Variants in CSMD3 observed in about 807,000 individuals in gnomAD.
CSMD3 encodes CUB and Sushi multiple domains 3.
Under a neutral mutation model 435.2 loss-of-function variants are expected in CSMD3, and 177 were observed. The observed-to-expected ratio is 0.41, with a 90% confidence interval of 0.36 to 0.46. The LOEUF (loss-of-function observed/expected upper bound fraction) is 0.46. Among genes scored for constraint, CSMD3 ranks in the 20% least tolerant of loss-of-function variants. CSMD3 has a pLI of 0.34. For missense variants in CSMD3, 4,265 were observed against 4,504.6 expected (o/e 0.95, Z 1.52); for synonymous variants, 1,656 against 1,520.5 (o/e 1.09, Z -2.07).
intron 3 of CSMD3, among the ~76,000 whole-genome samples, chr8:113,204,736 T>G (rs2092752546): frequency 6.6e-6 from 1 of 152,172 alleles, no homozygotes; most frequent in African/African-American, 2.4e-5. Flanking sequence ...TAGATGTACA[T>G]GTACTTACCA....
intron 31 of CSMD3, among the ~76,000 whole-genome samples, chr8:112,474,591 AAT>A (rs1463532610): frequency 6.6e-6 from 1 of 152,182 alleles, no homozygotes; most frequent in African/African-American, 2.4e-5. Context: ...GGAGATTAGA[AAT>A]AGATAGGTGT....
intron 4 of CSMD3, among the ~76,000 whole-genome samples, chr8:113,163,418 G>T (rs1168687957): frequency 6.6e-6 from 1 of 151,854 alleles, no homozygotes; most frequent in African/African-American, 2.4e-5. Context: ...AGAAAAGCTT[G>T]AAATTAATGT....
intron 4 of CSMD3, among the ~76,000 whole-genome samples, chr8:113,148,105 A>G (rs1296571218): frequency 1.3e-5 from 2 of 151,762 alleles, no homozygotes; most frequent in Non-Finnish European, 2.9e-5. Flanking sequence ...ATGACTTGCA[A>G]TGCCTGATGC....
chr8:112,546,362 C>T (rs1250061413), intron 27 of CSMD3, among the ~76,000 whole-genome samples: 4 of 152,142 alleles, frequency 2.6e-5, no homozygotes, highest in African/African-American at 7.2e-5. Context: ...AAGTGAGTGG[C>T]TAGTCGACTG....
At chr8:112,368,304 G>A (rs1827984105) in intron 38 of CSMD3, among the ~76,000 whole-genome samples, 5 of 152,028 alleles carry the variant, frequency 3.3e-5, no homozygotes, top group Admixed American at 3.3e-4. Context: ...TTCATACTTT[G>A]GCCATTGTGA....
Position 113,050,293 on chromosome 8 carries a change from TGAGA to T in CSMD3, c.918-31118_918-31115del, listed in dbSNP as rs149759301. Among the ~76,000 whole-genome samples, 7 of 151,972 alleles carry T rather than the reference TGAGA, an allele frequency of 4.6e-5. No homozygotes were observed. In the East Asian group the frequency reaches 1.4e-3, roughly 29 times the overall value. On this transcript the variant is annotated intron_variant, in intron 5 of 70. Coordinates refer to ENST00000297405, the MANE Select transcript of CSMD3 (RefSeq NM_198123.2). ...CATGAAATAAAAAGGAATAAAACAA[TGAGA>T]GAAAGAAAAAATTGATTTATTCTGT...
intron 59 of CSMD3, 134 bp downstream of exon 59, chr8:112,281,040 C>T (rs1818575141): frequency 1.4e-6 from 1 of 711,532 alleles, no homozygotes; most frequent in Non-Finnish European, 2.3e-6. Flanking sequence ...TACTATAATC[C>T]TTTAATCTGA....
chr8:113,083,491 G>A (rs2089644260), intron 5 of CSMD3, among the ~76,000 whole-genome samples: 1 of 151,816 alleles, frequency 6.6e-6, no homozygotes. Flanking sequence ...CCCCTATAAT[G>A]GTCTTACAAT....
chr8:113,286,029 A>AT (rs574967855), intron 2 of CSMD3, among the ~76,000 whole-genome samples: 495 of 148,590 alleles, frequency 3.3e-3, no homozygotes, highest in Non-Finnish European at 4.2e-3. Flanking sequence ...ATTAGCTGGT[A>AT]TTTTTTTTTT....
rs759084585 is a variant in CSMD3 at position 112,265,473 on chromosome 8, C to A, written c.9626G>T (p.Gly3209Val). Residue 3209 changes from glycine to valine, a missense_variant, in exon 60 of 71, where the codon GGC becomes GTC. Transcript: ENST00000297405. The part of the protein sequence containing the change: ...CQPGYTMELN[G>V]SRIRTCTING... ...AATTGTACAAGTCCTGATTCTGGAG[C>A]CATTCAATTCCATCGTGTAGCCTGG... is the stretch of plus-strand genomic sequence containing the variant. The A allele has an allele frequency of 6.2e-7, 1 of 1,613,660 alleles. No individual in the cohort carries two copies. Among genetic ancestry groups the A allele is most frequent in the Non-Finnish European group, 8.5e-7 (1 of 1,179,774 alleles).
intron 61 of CSMD3, 106 bp from the exon 62 acceptor site, chr8:112,255,533 T>C: frequency 3.0e-6 from 3 of 987,422 alleles, no homozygotes; most frequent in Non-Finnish European, 3.1e-6. Context: ...TAAAGAGATA[T>C]ATTATTCATG....
intron 38 of CSMD3, among the ~76,000 whole-genome samples, chr8:112,374,184 T>G (rs1828720132): frequency 1.4e-5 from 2 of 144,332 alleles, no homozygotes; most frequent in Admixed American, 1.4e-4. Context: ...AGACAGTAGA[T>G]TTGCAAACAA....
intron 31 of CSMD3, among the ~76,000 whole-genome samples, chr8:112,481,246 A>T (rs1819598966): frequency 6.6e-6 from 1 of 152,194 alleles, no homozygotes; most frequent in South Asian, 2.1e-4. Flanking sequence ...AGAAAAGAAG[A>T]AACTTATCAC....
intron 3 of CSMD3, among the ~76,000 whole-genome samples, chr8:113,271,579 T>G (rs1041007972): frequency 5.9e-5 from 9 of 152,086 alleles, no homozygotes; most frequent in Admixed American, 5.9e-4. Flanking sequence ...GGGACCTCCA[T>G]CTATATTTCA....
intron 3 of CSMD3, 93 bp downstream of exon 3, chr8:113,278,499 T>G (rs887592548): frequency 3.0e-6 from 2 of 675,722 alleles, no homozygotes; most frequent in South Asian, 1.5e-5. Context: ...GACAACATGA[T>G]GTTGTCTCAA....
intron 1 of CSMD3, among the ~76,000 whole-genome samples, chr8:113,387,051 G>C (rs2094442388): frequency 1.3e-5 from 2 of 151,772 alleles, no homozygotes; most frequent in Non-Finnish European, 3.0e-5. Context: ...AATTGGCAGT[G>C]TTCCTATATA....
intron 32 of CSMD3, among the ~76,000 whole-genome samples, chr8:112,422,306 G>A (rs942754024): frequency 6.6e-6 from 1 of 151,886 alleles, no homozygotes; most frequent in Non-Finnish European, 1.5e-5. Context: ...GAATAATAGA[G>A]GAATAGATTT....
intron 70 of CSMD3, 132 bp from the exon 71 acceptor site, chr8:112,225,062 TAA>T (rs1586440970): frequency 5.7e-6 from 5 of 869,670 alleles, no homozygotes; most frequent in East Asian, 4.9e-5. Flanking sequence ...ATAAACACAC[TAA>T]GTCAACTTGA....
At chr8:112,912,944 A>G (rs2082466584) in intron 10 of CSMD3, among the ~76,000 whole-genome samples, 1 of 152,066 alleles carries the variant, frequency 6.6e-6, no homozygotes, top group Non-Finnish European at 1.5e-5. Context: ...AATGGCCAAC[A>G]GGTATATGGA....
Sources: gnomAD v4.1 joint callset for allele counts (sites outside exome capture counted in the v4.1 genomes callset) on GRCh38, gnomAD v4.1.1 for gene constraint, MANE v1.5 for transcripts, NCBI Gene and HGNC (gene_info 2026-07-23, HGNC 2026-07-21) for gene names.